SMC5: variants seen among roughly 807,000 people sequenced by gnomAD.
SMC5 encodes structural maintenance of chromosomes 5, also known as structural maintenance of chromosomes protein 5.
SMC5 carries 88 observed loss-of-function variants against 148.3 expected under a neutral mutation model. The ratio of observed to expected loss-of-function variants is 0.59; its 90% CI spans 0.50 to 0.71. SMC5 has a LOEUF of 0.71. Ranked by LOEUF, SMC5 falls within the 30% of genes least tolerant of loss-of-function variation. SMC5 has a pLI of 0.00. For synonymous variants in SMC5, 421 were observed against 432.8 expected, an observed-to-expected ratio of 0.97 and a Z score of 0.34; for missense variants, 1,142 against 1,298.9, an observed-to-expected ratio of 0.88 and a Z score of 1.86.
At chr9:70,340,878 GATA>G (rs1340226883) in intron 17 of SMC5, among the ~76,000 whole-genome samples, 1 of 152,080 alleles carries the variant, frequency 6.6e-6, no homozygotes, top group Non-Finnish European at 1.5e-5. Context: ...TAGAAAAAAA[GATA>G]ATACTTACAA....
At chr9:70,290,107 G>T (rs993388946) in intron 8 of SMC5, among the ~76,000 whole-genome samples, 1 of 152,044 alleles carries the variant, frequency 6.6e-6, no homozygotes, top group Non-Finnish European at 1.5e-5. Context: ...AACACTTCTG[G>T]TGCCAAGCAT....
intron 17 of SMC5, among the ~76,000 whole-genome samples, chr9:70,343,686 C>T (rs539211126): frequency 9.2e-5 from 14 of 151,974 alleles, no homozygotes; most frequent in Non-Finnish European, 1.6e-4. Flanking sequence ...CATGGTGGTA[C>T]ACATCTGTAA....
chr9:70,334,964 T>C (rs1564066995), intron 17 of SMC5, among the ~76,000 whole-genome samples: 2 of 152,182 alleles, frequency 1.3e-5, no homozygotes, highest in Non-Finnish European at 2.9e-5. Context: ...AGTTAAACCA[T>C]AGACTCACTA....
chr9:70,279,210 AT>A (rs1184513602), intron 5 of SMC5, among the ~76,000 whole-genome samples: 1 of 152,180 alleles, frequency 6.6e-6, no homozygotes, highest in Non-Finnish European at 1.5e-5. Flanking sequence ...AATACAGTAA[AT>A]TTTCATAATA....
intron 8 of SMC5, among the ~76,000 whole-genome samples, chr9:70,287,806 C>A (rs2118256948): frequency 6.6e-6 from 1 of 152,246 alleles, no homozygotes; most frequent in East Asian, 1.9e-4. Context: ...TTCTACTTGG[C>A]ATTTCCTAGT....
At chr9:70,311,809 T>G (rs2035665608) in intron 11 of SMC5, 1 of 152,122 alleles carries the variant, frequency 6.6e-6, no homozygotes, top group African/African-American at 2.4e-5. Context: ...CATAGGACTT[T>G]CTATGTAGAA....
intron 7 of SMC5, among the ~76,000 whole-genome samples, chr9:70,284,218 T>C (rs1479198926): frequency 4.6e-5 from 7 of 152,226 alleles, no homozygotes; most frequent in Non-Finnish European, 8.8e-5. Flanking sequence ...TTAAAATTAT[T>C]GCACTCAAGT....
In SMC5 at chr9:70,315,322, C is replaced by G. The variant is rs868323164; in HGVS notation, c.1674-124C>G. 15 of 531,414 alleles carry G rather than the reference C, an allele frequency of 2.8e-5. 1 individual carries two copies. In the South Asian group the frequency reaches 7.0e-4, roughly 25 times the overall value. The allele number at this position is 531,414 out of a possible 1,614,324, so 32.9% of individuals were successfully genotyped here. On this transcript the variant is annotated intron_variant, in intron 12 of 24. Transcript: ENST00000361138. ...ATTTTAAAATATAAAAGAAAAAAGA[C>G]TTGTCCTGTGTCATTGTTGAAATAA...
chr9:70,298,224 A>G lies in SMC5; in HGVS notation c.1309+3A>G, dbSNP rs773351181. 3.7e-6 allele frequency: 6 copies of G among 1,604,696 alleles called. No individual in the cohort carries two copies. In the East Asian group the frequency reaches 1.3e-4, roughly 36 times the overall value. On this transcript the variant is annotated splice_donor_region_variant and intron_variant, in intron 9 of 24. Coordinates refer to ENST00000361138, the MANE Select transcript of SMC5 (RefSeq NM_015110.4). Reference sequence around the variant, plus strand: ...AACTCTAGAGAAGGAGAAAAAGAGTAAGTTTCATAAAGTTAGAATGAAATG... The same window carrying G: ...AACTCTAGAGAAGGAGAAAAAGAGTGAGTTTCATAAAGTTAGAATGAAATG...
At chr9:70,304,242 T>A (rs117138937) in intron 10 of SMC5, among the ~76,000 whole-genome samples, 50 of 152,068 alleles carry the variant, frequency 3.3e-4, no homozygotes, top group East Asian at 7.7e-4. Context: ...TGGCTAATTT[T>A]TTATTATTAT....
chr9:70,309,947 A>C (rs956630548), intron 11 of SMC5, among the ~76,000 whole-genome samples: 1 of 152,144 alleles, frequency 6.6e-6, no homozygotes, highest in African/African-American at 2.4e-5. Flanking sequence ...CCTCCTGGGT[A>C]TAAGCAATTC....
chr9:70,299,347 C>G (rs1385716209), intron 9 of SMC5, among the ~76,000 whole-genome samples: 1 of 150,088 alleles, frequency 6.7e-6, no homozygotes, highest in African/African-American at 2.4e-5. Context: ...TTTAAATTTG[C>G]TTAAGCATTT....
Position 70,344,258 on chromosome 9 carries a change from G to C in SMC5, c.2512G>C (p.Glu838Gln). Residue 838 changes from glutamate to glutamine, a missense_variant, in exon 18 of 25, where the codon GAA becomes CAA. Physicochemically the swap from Glu to Gln is conservative, Grantham distance 29. Around this residue, in one of 5 missense-constraint regions of SMC5, gnomAD observed 743 missense variants for 835.7 expected, o/e 0.89. Transcript: ENST00000361138. ...NLGAEQTLPQEYQTQVPTIPN... is the reference protein window; with the variant it reads ...NLGAEQTLPQQYQTQVPTIPN... ...GGGTGCAGAGCAGACTCTTCCTCAA[G>C]AATACCAGACAGTAAGTATAAAAAG... 1 of 1,459,758 alleles carries C rather than the reference G, an allele frequency of 6.9e-7. No individual in the cohort carries two copies. Among genetic ancestry groups the C allele is most frequent in the Non-Finnish European group, 9.1e-7 (1 of 1,101,940 alleles). 90.4% of individuals were successfully genotyped at this position (1,459,758 alleles called of 1,614,324 possible).
chr9:70,330,297 A>G (rs2036186375), intron 17 of SMC5, among the ~76,000 whole-genome samples: 1 of 152,110 alleles, frequency 6.6e-6, no homozygotes, highest in African/African-American at 2.4e-5. Context: ...ACACACACAC[A>G]TACTTCACCC....
intron 20 of SMC5, 108 bp from the exon 21 acceptor site, chr9:70,347,505 A>G (rs755365310): frequency 1.8e-5 from 11 of 622,560 alleles, no homozygotes; most frequent in African/African-American, 1.1e-4. Flanking sequence ...CATACAAACA[A>G]TGCAGCACAA....
intron 8 of SMC5, among the ~76,000 whole-genome samples, chr9:70,294,469 G>A (rs1472443458): frequency 1.3e-5 from 2 of 152,194 alleles, no homozygotes; most frequent in Non-Finnish European, 2.9e-5. Context: ...GAAAGGTCAA[G>A]GGATCTTTCC....
chr9:70,303,948 T>C (rs2035429699), intron 10 of SMC5, among the ~76,000 whole-genome samples: 1 of 152,240 alleles, frequency 6.6e-6, no homozygotes, highest in Non-Finnish European at 1.5e-5. Context: ...ATGGGAGTTT[T>C]ATCATGCTCT....
intron 13 of SMC5, among the ~76,000 whole-genome samples, chr9:70,317,611 A>G (rs1259706279): frequency 6.6e-6 from 1 of 152,154 alleles, no homozygotes; most frequent in African/African-American, 2.4e-5. Context: ...TAGTATTACA[A>G]TAGTATCTGA....
chr9:70,275,181 A>G (rs1471668661), intron 3 of SMC5, among the ~76,000 whole-genome samples: 3 of 152,028 alleles, frequency 2.0e-5, no homozygotes, highest in African/African-American at 2.4e-5. Context: ...CTCTTTTCTC[A>G]TATTCAGAGT....
Sources: gnomAD v4.1 joint callset for allele counts (sites outside exome capture counted in the v4.1 genomes callset) on GRCh38, gnomAD v4.1.1 for gene constraint, gnomAD v4.1.1 regional missense constraint, MANE v1.5 for transcripts, NCBI Gene and HGNC (gene_info 2026-07-23, HGNC 2026-07-21) for gene names.